Variants in AQP2 observed in about 807,000 individuals in gnomAD.
AQP2 encodes aquaporin-2.
A neutral mutation model predicts 21.6 loss-of-function variants in AQP2; 20 were observed. The observed-to-expected ratio is 0.92, with a 90% CI of 0.65 to 1.34. AQP2 has a LOEUF of 1.34. Among genes scored for constraint, AQP2 ranks in the 40% most tolerant of loss-of-function variants. AQP2 has a pLI of 0.00. For missense variants in AQP2, 325 were observed against 363.4 expected (o/e 0.89, Z 0.86); for synonymous variants, 168 against 166.9 (o/e 1.01, Z -0.05).
At chr12:49,952,887 G>A (rs1947339934) in intron 1 of AQP2, among the ~76,000 whole-genome samples, 1 of 152,202 alleles carries the variant, frequency 6.6e-6, no homozygotes, top group Non-Finnish European at 1.5e-5. Flanking sequence ...TCATTGACAT[G>A]CACCTGCCCT....
intron 1 of AQP2, chr12:49,951,889 G>A (rs2137145225): frequency 6.6e-6 from 1 of 152,440 alleles, no homozygotes; most frequent in East Asian, 1.9e-4. Context: ...GTGGAGGAAT[G>A]ACCTGTGCCC....
chr12:49,957,679 A>G lies in AQP2; in HGVS notation c.*2071A>G, dbSNP rs1169922265. On this transcript the variant is annotated 3_prime_UTR_variant, in exon 4 of 4. Coordinates refer to ENST00000199280, the MANE Select transcript of AQP2 (RefSeq NM_000486.6). The stretch of plus-strand genomic sequence containing the variant: ...TGGAGAGGACTCTCCCAAACCCCCA[A>G]TAGCTAGTGACAGCCACTTGGCCTC... 2 of 152,200 alleles carry G rather than the reference A, an allele frequency of 1.3e-5. No homozygotes were observed. Among genetic ancestry groups the G allele is most frequent in the African/African-American group, 2.4e-5 (1 of 41,448 alleles). The allele number at this position is 152,200 out of a possible 1,614,324, so 9.4% of individuals were successfully genotyped here.
intron 1 of AQP2, among the ~76,000 whole-genome samples, chr12:49,953,632 C>T (rs766050424): frequency 2.0e-5 from 3 of 152,122 alleles, no homozygotes; most frequent in Non-Finnish European, 4.4e-5. Context: ...GGACTCATAG[C>T]GGAAAGGGGC....
Position 49,950,890 on chromosome 12 carries a change from A to T in AQP2, c.60A>T (p.Thr20=). 6.2e-7 allele frequency: 1 copy of T among 1,613,446 alleles called. No individual in the cohort carries two copies. The highest frequency in any genetic ancestry group is 8.5e-7 in the Non-Finnish European group (1 of 1,179,586). ...SRAVFAEFLA[T]LLFVFFGLGS... is the part of the protein sequence containing the mutation. Reference sequence around the variant, plus strand: ...CTGTGTTCGCAGAGTTCCTGGCCACACTCCTCTTCGTCTTCTTTGGCCTCG... The same window carrying T: ...CTGTGTTCGCAGAGTTCCTGGCCACTCTCCTCTTCGTCTTCTTTGGCCTCG... The change falls in exon 1 of 4, where the codon ACA becomes ACT. Residue 20 remains threonine (T), a synonymous_variant. Coordinates refer to ENST00000199280, the MANE Select transcript of AQP2 (RefSeq NM_000486.6).
intron 1 of AQP2, 153 bp from the exon 2 acceptor site, chr12:49,954,002 T>G (rs1449429329): frequency 9.2e-7 from 1 of 1,082,446 alleles, no homozygotes; most frequent in Non-Finnish European, 1.4e-6. Flanking sequence ...GAAGAAGGGA[T>G]CAGTCGTTGC....
intron 1 of AQP2, chr12:49,951,489 G>T (rs1036520717): frequency 9.2e-6 from 4 of 433,302 alleles, no homozygotes; most frequent in Non-Finnish European, 1.6e-5. Flanking sequence ...TGAAGACAGG[G>T]CTATACCTCA....
intron 3 of AQP2, among the ~76,000 whole-genome samples, chr12:49,955,178 A>T (rs7299924): frequency 6.6e-6 from 1 of 152,200 alleles, no homozygotes; most frequent in Non-Finnish European, 1.5e-5. Flanking sequence ...TGGTGGAATC[A>T]GGACACACAC....
Position 49,957,429 on chromosome 12 carries a change from C to G in AQP2, c.*1821C>G, listed in dbSNP as rs917177794. On this transcript the variant is annotated 3_prime_UTR_variant, in exon 4 of 4. Coordinates refer to ENST00000199280, the MANE Select transcript of AQP2 (RefSeq NM_000486.6). ...CCCCATGCTCTCTGTGGCCTCCATG[C>G]CTTCAAGACTTCTGTCTGTATCTAT... 2 of 152,476 alleles carry G rather than the reference C, an allele frequency of 1.3e-5. No individual in the cohort carries two copies. Among genetic ancestry groups the G allele is most frequent in the Non-Finnish European group, 2.9e-5 (2 of 68,202 alleles). The allele number at this position is 152,476 out of a possible 1,614,324, so 9.4% of individuals were successfully genotyped here. A position where few individuals can be genotyped will look rare whatever the true frequency, so the allele number is the denominator to read the frequency against.
Position 49,955,764 on chromosome 12 carries a change from G to A in AQP2, c.*156G>A, listed in dbSNP as rs540796749. ...CGCGCCCAGGCCAGTGCTGTGAGCA[G>A]GCGGGGAGGAGGCTGCCGGAGGGAG... On this transcript the variant is annotated 3_prime_UTR_variant, in exon 4 of 4. Transcript: ENST00000199280. 1.1e-4 allele frequency: 116 copies of A among 1,061,908 alleles called. 5 individuals are homozygous for A. In the South Asian group the frequency reaches 1.6e-3, roughly 14 times the overall value. 65.8% of individuals were successfully genotyped at this position (1,061,908 alleles called of 1,614,324 possible). A position where few individuals can be genotyped will look rare whatever the true frequency, so the allele number is the denominator to read the frequency against.
intron 1 of AQP2, 58 bp from the exon 2 acceptor site, chr12:49,954,097 G>A: frequency 1.3e-6 from 2 of 1,593,572 alleles, no homozygotes. Flanking sequence ...ACAGGAAGAT[G>A]GAGCCAGAGA....
At chr12:49,954,510 T>C in intron 2 of AQP2, 120 bp from the exon 3 acceptor site, 1 of 1,324,134 alleles carries the variant, frequency 7.6e-7, no homozygotes, top group Non-Finnish European at 1.1e-6. Context: ...TAAAACGTGA[T>C]GTTAATTGTC....
rs149425435 is a variant in AQP2 at position 49,956,033 on chromosome 12, T to C, written c.*425T>C. On this transcript the variant is annotated 3_prime_UTR_variant, in exon 4 of 4. Transcript: ENST00000199280. The stretch of plus-strand genomic sequence containing the variant: ...GTGTGCAAGTGTGTTCATCCCCAAG[T>C]TCTCTTTTGTCCTCACATGCAGAGT... 5.2e-4 allele frequency: 160 copies of C among 307,808 alleles called. 2 individuals are homozygous for C. In the East Asian group the frequency reaches 0.012, roughly 24 times the overall value. 19.1% of individuals were successfully genotyped at this position (307,808 alleles called of 1,614,324 possible).
chr12:49,954,246 A>G lies in AQP2; in HGVS notation c.452A>G (p.Glu151Gly). 1 of 1,606,602 alleles carries G rather than the reference A, an allele frequency of 6.2e-7. No homozygotes were observed. ...LVLCIFASTD[E>G]RRGENPGTPA... ...CTCTGCATCTTCGCCTCCACCGATGAGCGCCGCGGAGAGAACCCGGGCACC... is the reference window on the plus strand; with the variant it reads ...CTCTGCATCTTCGCCTCCACCGATGGGCGCCGCGGAGAGAACCCGGGCACC... The change falls in exon 2 of 4, where the codon GAG becomes GGG. Residue 151 changes from glutamate (E) to glycine (G), a missense_variant. By Grantham distance (98) the Glu-to-Gly change is moderately conservative. Coordinates refer to ENST00000199280, the MANE Select transcript of AQP2 (RefSeq NM_000486.6).
At position 49,954,135 on chromosome 12, in the gene AQP2, C is replaced by A; in HGVS notation, c.361-20C>A. 2 of 1,597,782 alleles carry A rather than the reference C, an allele frequency of 1.3e-6. No homozygotes were observed. The highest frequency in any genetic ancestry group is 8.5e-7 in the Non-Finnish European group (1 of 1,179,884). ...AAAGTGGGCTCAGTGTTCCCCTACC[C>A]GCCTCTTCTCTGTCCCCAGCTCAGC... On this transcript the variant is annotated intron_variant, in intron 1 of 3. Coordinates refer to ENST00000199280, the MANE Select transcript of AQP2 (RefSeq NM_000486.6).
rs1463900828 is a variant in AQP2, at chr12:49,954,248, C to G, written c.454C>G (p.Arg152Gly). Reference sequence around the variant, plus strand: ...CTGCATCTTCGCCTCCACCGATGAGCGCCGCGGAGAGAACCCGGGCACCCC... The same window carrying G: ...CTGCATCTTCGCCTCCACCGATGAGGGCCGCGGAGAGAACCCGGGCACCCC... ...VLCIFASTDERRGENPGTPAL... is the reference protein window; with the variant it reads ...VLCIFASTDEGRGENPGTPAL... The change falls in exon 2 of 4, where the codon CGC (arginine) becomes GGC (glycine). Residue 152 changes from arginine to glycine, a missense_variant. Arg to Gly is a moderately radical substitution (Grantham distance 125). Transcript: ENST00000199280. 6.2e-7 allele frequency: 1 copy of G among 1,606,668 alleles called. No homozygotes were observed. Among genetic ancestry groups the G allele is most frequent in the Admixed American group, 1.7e-5 (1 of 60,006 alleles).
At chr12:49,954,071 C>T in intron 1 of AQP2, 84 bp from the exon 2 acceptor site, 1 of 1,568,968 alleles carries the variant, frequency 6.4e-7, no homozygotes, top group South Asian at 1.1e-5. Flanking sequence ...CCCCCTGGTG[C>T]CTCGACTGCA....
rs1192464784 is a variant in AQP2, at chr12:49,957,533, AAGAC to A, written c.*1928_*1931del. The stretch of plus-strand genomic sequence containing the variant: ...TTCTCCCTTCTGCTCCCATCCAAGA[AAGAC>A]AGTGTATAAGGAACATCTCTGTAAT... On this transcript the variant is annotated 3_prime_UTR_variant, in exon 4 of 4. Coordinates refer to ENST00000199280, the MANE Select transcript of AQP2 (RefSeq NM_000486.6). The A allele has an allele frequency of 5.3e-5, 8 of 152,132 alleles. No individual in the cohort carries two copies. The East Asian group carries it at 1.3e-3, about 26-fold the overall frequency. The allele number at this position is 152,132 out of a possible 1,614,324, so 9.4% of individuals were successfully genotyped here.
intron 3 of AQP2, 144 bp downstream of exon 3, chr12:49,954,854 C>A: frequency 2.1e-6 from 2 of 941,530 alleles, no homozygotes; most frequent in Non-Finnish European, 3.4e-6. Context: ...GCCTTGGGTT[C>A]CACCCCTCAG....
At chr12:49,951,362 G>A (rs1257715483) in intron 1 of AQP2, 172 bp downstream of exon 1, 2 of 893,046 alleles carry the variant, frequency 2.2e-6, no homozygotes, top group Admixed American at 2.9e-5. Flanking sequence ...AGGATGAAAG[G>A]AGCAATGATA....
Sources: allele counts gnomAD v4.1 joint callset (sites outside exome capture counted in the v4.1 genomes callset), GRCh38; gene constraint gnomAD v4.1.1; transcripts MANE v1.5; gene names NCBI Gene and HGNC (gene_info 2026-07-23, HGNC 2026-07-21).